The following FAT3 variants were observed in gnomAD, a reference collection of about 807,000 sequenced individuals.
FAT3 encodes protocadherin Fat 3.
Under a neutral mutation model 310.2 loss-of-function variants are expected in FAT3, and 95 were observed. That is an observed-to-expected ratio of 0.31 (90% CI 0.26 to 0.36). FAT3 has a LOEUF of 0.36. Among genes scored for constraint, FAT3 ranks in the 10% least tolerant of loss-of-function variants. FAT3 has a pLI of 1.00. For missense variants in FAT3, 5,408 were observed against 5,715.6 expected (o/e 0.95, Z 1.74); for synonymous variants, 2,314 against 2,192.9 (o/e 1.06, Z -1.54).
At chr11:92,606,114 C>T (rs953018224) in intron 3 of FAT3, among the ~76,000 whole-genome samples, 5 of 152,122 alleles carry the variant, frequency 3.3e-5, no homozygotes, top group Non-Finnish European at 5.9e-5. Flanking sequence ...GTCTTTGACT[C>T]CCTCCTGATT....
Position 92,798,387 on chromosome 11 carries a change from G to A in FAT3, c.5374G>A (p.Asp1792Asn), listed in dbSNP as rs776540951. ...APINSIVRSL[D>N]NSPLVIRATD... ...AATTAATAGCATTGTCAGGAGCTTG[G>A]ATAACAGCCCACTGGTGATTCGAGC... Residue 1792 changes from aspartate (D) to asparagine (N), a missense_variant, in exon 10 of 28, where the codon GAT (aspartate) becomes AAT (asparagine). By Grantham distance (23) the Asp-to-Asn change is conservative. Coordinates refer to ENST00000525166, the MANE Select transcript of FAT3 (RefSeq NM_001367949.2). 3 of 1,613,176 alleles carry A rather than the reference G, an allele frequency of 1.9e-6. No homozygotes were observed. The highest frequency in any genetic ancestry group is 1.7e-6 in the Non-Finnish European group (2 of 1,179,722).
At chr11:92,665,411 AGCAAG>A (rs1275009881) in intron 3 of FAT3, among the ~76,000 whole-genome samples, 1 of 152,266 alleles carries the variant, frequency 6.6e-6, no homozygotes, top group African/African-American at 2.4e-5. Context: ...TTCTGTTGAC[AGCAAG>A]GTTTCTCTTT....
rs955837249 is a variant in FAT3 at position 92,697,512 on chromosome 11, A to G, written c.3669+67A>G. ...TCACTAAACTTCTTTAACCTTCAAC[A>G]TAAACTACACCTTCAATATATTTGA... is the stretch of plus-strand genomic sequence containing the variant. On this transcript the variant is annotated intron_variant, in intron 4 of 27. Transcript: ENST00000525166. 2.2e-5 allele frequency: 31 copies of G among 1,388,940 alleles called. No homozygotes were observed. The South Asian group carries it at 2.7e-4, about 12-fold the overall frequency. 86.0% of individuals were successfully genotyped at this position (1,388,940 alleles called of 1,614,324 possible).
rs1315588368 is a variant in FAT3 at position 92,801,254 on chromosome 11, G to T, written c.8241G>T (p.Arg2747=). The T allele has an allele frequency of 1.9e-6, 3 of 1,613,718 alleles. No homozygotes were observed. Among genetic ancestry groups the T allele is most frequent in the Non-Finnish European group, 1.7e-6 (2 of 1,179,868 alleles). ...NVWFSTVNGE[R]PENNKGGIFV... ...GGTTCAGCACAGTTAATGGGGAACGGCCAGAAAATAACAAAGGGGGCATAT... is the reference window on the plus strand; with the variant it reads ...GGTTCAGCACAGTTAATGGGGAACGTCCAGAAAATAACAAAGGGGGCATAT... Residue 2747 remains arginine, a synonymous_variant, in exon 10 of 28, where the codon CGG becomes CGT. Transcript: ENST00000525166.
At chr11:92,644,297 G>A (rs1942068761) in intron 3 of FAT3, among the ~76,000 whole-genome samples, 1 of 152,242 alleles carries the variant, frequency 6.6e-6, no homozygotes, top group South Asian at 2.1e-4. Flanking sequence ...TTGCAGGTCT[G>A]AGGGTTCCCT....
intron 4 of FAT3, among the ~76,000 whole-genome samples, chr11:92,731,252 G>C (rs1223645241): frequency 6.6e-6 from 1 of 151,934 alleles, no homozygotes; most frequent in East Asian, 1.9e-4. Flanking sequence ...TTCATTATTG[G>C]TGCCAGTTTT....
intron 4 of FAT3, among the ~76,000 whole-genome samples, chr11:92,732,466 G>T (rs1311266044): frequency 6.6e-6 from 1 of 152,038 alleles, no homozygotes; most frequent in Non-Finnish European, 1.5e-5. Context: ...ATAAGATATT[G>T]CTTATACCCT....
chr11:92,584,295 A>T (rs1939012239), intron 3 of FAT3, among the ~76,000 whole-genome samples: 1 of 151,990 alleles, frequency 6.6e-6, no homozygotes, highest in Non-Finnish European at 1.5e-5. Context: ...TGGTGACTGT[A>T]ATGGTGCTTC....
intron 3 of FAT3, among the ~76,000 whole-genome samples, chr11:92,558,822 T>G (rs485081): frequency 0.39 from 59,354 of 151,912 alleles, 12,321 homozygotes; most frequent in Middle Eastern, 0.53. Flanking sequence ...TTACCTTCAT[T>G]CACCTCTGAG....
chr11:92,831,320 C>T (rs1391007415), intron 13 of FAT3, among the ~76,000 whole-genome samples: 3 of 152,114 alleles, frequency 2.0e-5, no homozygotes, highest in Non-Finnish European at 4.4e-5. Context: ...CATCTTTACC[C>T]CTGCATCTAT....
At chr11:92,307,128 T>G (rs1050507685) in intron 1 of FAT3, among the ~76,000 whole-genome samples, 2 of 151,772 alleles carry the variant, frequency 1.3e-5, no homozygotes, top group African/African-American at 4.8e-5. Flanking sequence ...TAAAGTTATA[T>G]ACTTAAAGGG....
At chr11:92,677,572 G>T (rs1045143620) in intron 3 of FAT3, among the ~76,000 whole-genome samples, 10 of 152,200 alleles carry the variant, frequency 6.6e-5, no homozygotes, top group Non-Finnish European at 1.3e-4. Flanking sequence ...ATAAAGAAAA[G>T]AGCTTTATTT....
chr11:92,804,890 A>G (rs972063882), intron 10 of FAT3, among the ~76,000 whole-genome samples: 1 of 152,232 alleles, frequency 6.6e-6, no homozygotes, highest in Non-Finnish European at 1.5e-5. Flanking sequence ...CTTAAGGGGA[A>G]CTAAACAAGA....
rs2136419668 is a variant in FAT3 at position 92,883,448 on chromosome 11, G to A, written c.12937+55G>A. 1 of 1,549,000 alleles carries A rather than the reference G, an allele frequency of 6.5e-7. No individual in the cohort carries two copies. Among genetic ancestry groups the A allele is most frequent in the Non-Finnish European group, 8.7e-7 (1 of 1,145,552 alleles). ...CGGTGCTTACAGGGAACCTGCAGGG[G>A]CGCTGTGCGAGGACGCTACGGGAAG... On this transcript the variant is annotated intron_variant, in intron 24 of 27. Coordinates refer to ENST00000525166, the MANE Select transcript of FAT3 (RefSeq NM_001367949.2). The surrounding 1 kb of genome is among the most constrained non-coding windows in gnomAD (Gnocchi z 4.2).
intron 3 of FAT3, among the ~76,000 whole-genome samples, chr11:92,636,662 A>G (rs1941777492): frequency 1.3e-5 from 2 of 152,208 alleles, no homozygotes; most frequent in Admixed American, 6.5e-5. Flanking sequence ...TGGGCTTTCT[A>G]TTGAGTAGCA....
intron 1 of FAT3, among the ~76,000 whole-genome samples, chr11:92,315,906 C>G (rs1172259498): frequency 6.6e-6 from 1 of 151,968 alleles, no homozygotes; most frequent in Non-Finnish European, 1.5e-5. Flanking sequence ...TGAAATTTGT[C>G]TTCATACATA....
intron 3 of FAT3, among the ~76,000 whole-genome samples, chr11:92,615,267 A>T (rs1940746715): frequency 6.6e-6 from 1 of 151,996 alleles, no homozygotes; most frequent in South Asian, 2.1e-4. Flanking sequence ...TTTTTTTGAG[A>T]CAGAGTTTCG....
At position 92,675,442 on chromosome 11, in the gene FAT3, A is replaced by G. The variant is rs77316569; in HGVS notation, c.3608-21942A>G. 7.9e-3 allele frequency among the ~76,000 whole-genome samples: 1,206 copies of G among 152,312 alleles called. 19 individuals are homozygous for G. Among genetic ancestry groups the G allele is most frequent in the African/African-American group, 0.027 (1,143 of 41,572 alleles). The stretch of plus-strand genomic sequence containing the variant: ...TTTAAAGCATACCCAAGAGGCTCCA[A>G]AAGTAAATATTTCTCTGGGCAGATG... On this transcript the variant is annotated intron_variant, in intron 3 of 27. Transcript: ENST00000525166.
At chr11:92,729,209 T>A (rs945037035) in intron 4 of FAT3, among the ~76,000 whole-genome samples, 5 of 152,176 alleles carry the variant, frequency 3.3e-5, no homozygotes, top group African/African-American at 1.2e-4. Flanking sequence ...CCAGCGCTGC[T>A]TTCTCAGTTG....
Sources: gnomAD v4.1 joint callset for allele counts (sites outside exome capture counted in the v4.1 genomes callset) on GRCh38, gnomAD v4.1.1 for gene constraint, Gnocchi (gnomAD v3.1) non-coding constraint, MANE v1.5 for transcripts, NCBI Gene and HGNC (gene_info 2026-07-23, HGNC 2026-07-21) for gene names.